The following BMP2K variants were observed in gnomAD, a reference collection of about 807,000 sequenced individuals.
The protein encoded by BMP2K is BMP2 inducible kinase.
BMP2K carries 74 observed loss-of-function variants against 116.0 expected under a neutral mutation model. The observed-to-expected ratio is 0.64, with a 90% CI of 0.53 to 0.77. BMP2K has a LOEUF of 0.77. BMP2K is among the 30% of genes least tolerant of loss of function. BMP2K has a pLI of 0.00. For synonymous variants in BMP2K, 486 were observed against 502.5 expected (o/e 0.97, Z 0.44); for missense variants, 1,365 against 1,403.6 (o/e 0.97, Z 0.44).
intron 6 of BMP2K, 98 bp downstream of exon 6, chr4:78,847,367 TA>T: frequency 1.3e-6 from 1 of 751,980 alleles, no homozygotes; most frequent in Non-Finnish European, 2.0e-6. Context: ...CATTTCCTAA[TA>T]AGTAGAAGAG....
intron 2 of BMP2K, among the ~76,000 whole-genome samples, chr4:78,832,835 A>G (rs1009527735): frequency 2.6e-5 from 4 of 152,084 alleles, no homozygotes; most frequent in African/African-American, 7.2e-5. Flanking sequence ...TCCCATGTTC[A>G]GTGGCCCTTA....
chr4:78,833,936 G>C (rs1730331759), intron 3 of BMP2K, among the ~76,000 whole-genome samples: 1 of 152,176 alleles, frequency 6.6e-6, no homozygotes, highest in Non-Finnish European at 1.5e-5. Context: ...GGAAATCTAA[G>C]CAGGTACAGA....
At chr4:78,846,615 A>G (rs541810286) in intron 5 of BMP2K, among the ~76,000 whole-genome samples, 41 of 151,726 alleles carry the variant, frequency 2.7e-4, no homozygotes, top group African/African-American at 9.6e-4. Context: ...TTGATTCCAA[A>G]TAGCTTATTA....
intron 1 of BMP2K, among the ~76,000 whole-genome samples, chr4:78,792,046 T>G (rs988263760): frequency 6.6e-6 from 1 of 152,228 alleles, no homozygotes; most frequent in Non-Finnish European, 1.5e-5. Context: ...TCCTGTACCA[T>G]TTTACATTCC....
chr4:78,806,052 T>G (rs1035105699), intron 1 of BMP2K, among the ~76,000 whole-genome samples: 1 of 152,198 alleles, frequency 6.6e-6, no homozygotes, highest in Non-Finnish European at 1.5e-5. Flanking sequence ...CTAGAGATCC[T>G]GAGAACATGA....
chr4:78,842,292 C>A, intron 3 of BMP2K, 93 bp from the exon 4 acceptor site: 1 of 1,131,046 alleles, frequency 8.8e-7, no homozygotes, highest in African/African-American at 1.6e-5. Flanking sequence ...GCCAATTTCC[C>A]ATTACTTGAA....
intron 7 of BMP2K, among the ~76,000 whole-genome samples, chr4:78,853,696 G>T (rs1475171242): frequency 1.3e-5 from 2 of 152,156 alleles, no homozygotes; most frequent in Admixed American, 6.6e-5. Context: ...CTCTGTCCCT[G>T]TTTGGTATGG....
chr4:78,785,833 A>G (rs1414828100), intron 1 of BMP2K, among the ~76,000 whole-genome samples: 3 of 152,130 alleles, frequency 2.0e-5, no homozygotes, highest in African/African-American at 4.8e-5. Context: ...CTGTTCTTTC[A>G]GACTCTTTCC....
rs1734833965 is a variant in BMP2K, at chr4:78,913,971, C to T, written c.*1938C>T. On this transcript the variant is annotated 3_prime_UTR_variant, in exon 16 of 16. Transcript: ENST00000502613. ...AAATGCTCAAGTAGATGTTTAAAAACTTTACAAAATAGATTCAAGTGATAC... is the reference window on the plus strand; with the variant it reads ...AAATGCTCAAGTAGATGTTTAAAAATTTTACAAAATAGATTCAAGTGATAC... 1 of 151,608 alleles carries T rather than the reference C, an allele frequency of 6.6e-6. No homozygotes were observed. Among genetic ancestry groups the T allele is most frequent in the Non-Finnish European group, 1.5e-5 (1 of 67,894 alleles). 9.4% of individuals were successfully genotyped at this position (151,608 alleles called of 1,614,324 possible).
chr4:78,878,589 C>A, intron 13 of BMP2K, 145 bp from the exon 14 acceptor site: 2 of 678,476 alleles, frequency 2.9e-6, no homozygotes, highest in Non-Finnish European at 4.8e-6. Context: ...CCCTCTCCAT[C>A]TCATGCCCTT....
chr4:78,826,223 A>C, intron 2 of BMP2K, 68 bp downstream of exon 2: 2 of 1,197,258 alleles, frequency 1.7e-6, no homozygotes, highest in Non-Finnish European at 2.5e-6. Context: ...CTTGGGATGG[A>C]GTGCAGTGGA....
chr4:78,885,385 G>A (rs1301456037), intron 14 of BMP2K, among the ~76,000 whole-genome samples: 1 of 152,110 alleles, frequency 6.6e-6, no homozygotes, highest in Non-Finnish European at 1.5e-5. Context: ...CAGTATCACT[G>A]GGGGGCTAGT....
chr4:78,897,999 T>C (rs1733793564), intron 15 of BMP2K, among the ~76,000 whole-genome samples: 2 of 152,098 alleles, frequency 1.3e-5, no homozygotes, highest in South Asian at 2.1e-4. Context: ...TGAGTTGGGA[T>C]TGGGAAATGA....
At chr4:78,789,741 A>G (rs1318362474) in intron 1 of BMP2K, among the ~76,000 whole-genome samples, 2 of 152,210 alleles carry the variant, frequency 1.3e-5, no homozygotes, top group African/African-American at 4.8e-5. Context: ...AGAGAGGACA[A>G]GTCATACATG....
chr4:78,857,893 T>C (rs1054974555), intron 7 of BMP2K, among the ~76,000 whole-genome samples: 1 of 152,010 alleles, frequency 6.6e-6, no homozygotes, highest in Non-Finnish European at 1.5e-5. Flanking sequence ...AGCTAAAAAA[T>C]GGAGAGCAAA....
chr4:78,833,686 A>T lies in BMP2K; in HGVS notation c.402A>T (p.Arg134=). The T allele has an allele frequency of 6.3e-7, 1 of 1,595,014 alleles. No homozygotes were observed. The highest frequency in any genetic ancestry group is 1.1e-5 in the South Asian group (1 of 87,316). The change falls in exon 3 of 16, where the codon CGA becomes CGT. Residue 134 remains arginine, a splice_region_variant and synonymous_variant. Coordinates refer to ENST00000502613, the MANE Select transcript of BMP2K (RefSeq NM_198892.2). ...TCCTTATCTTAATGGAATATTGTCG[A>T]GGTAAGTATTTTTTTGCATTTGTAC... ...WEVLILMEYC[R]AGQVVNQMNK...
intron 1 of BMP2K, among the ~76,000 whole-genome samples, chr4:78,812,894 A>C (rs113949491): frequency 6.6e-6 from 1 of 151,894 alleles, no homozygotes; most frequent in African/African-American, 2.4e-5. Flanking sequence ...AAATTAAAAA[A>C]CTTAGCTGGC....
chr4:78,796,208 G>C (rs576710107), intron 1 of BMP2K, among the ~76,000 whole-genome samples: 5 of 152,192 alleles, frequency 3.3e-5, no homozygotes, highest in Admixed American at 6.5e-5. Context: ...ATACTATGCA[G>C]CCATAAAAAA....
intron 3 of BMP2K, among the ~76,000 whole-genome samples, chr4:78,838,045 T>G (rs1730576555): frequency 6.6e-6 from 1 of 152,194 alleles, no homozygotes; most frequent in African/African-American, 2.4e-5. Flanking sequence ...AGAAAGAGGT[T>G]TAATTGGACT....
Sources: gnomAD v4.1 joint callset for allele counts (sites outside exome capture counted in the v4.1 genomes callset) on GRCh38, gnomAD v4.1.1 for gene constraint, MANE v1.5 for transcripts, NCBI Gene and HGNC (gene_info 2026-07-23, HGNC 2026-07-21) for gene names.